GRM1: variants seen among roughly 807,000 people sequenced by gnomAD.
GRM1 encodes glutamate metabotropic receptor 1, also known as metabotropic glutamate receptor 1.
In GRM1, 33 loss-of-function variants were observed where a neutral mutation model predicts 90.9. That is an observed-to-expected ratio of 0.36 (90% CI 0.28 to 0.49). The LOEUF (loss-of-function observed/expected upper bound fraction) is 0.49, where lower values mean the gene tolerates loss of function less well. Among genes scored for constraint, GRM1 ranks in the 20% least tolerant of loss-of-function variants. The pLI is 0.99. For synonymous variants in GRM1, 700 were observed against 613.2 expected, an observed-to-expected ratio of 1.14 and a Z score of -2.09; for missense variants, 1,190 against 1,534.3, an observed-to-expected ratio of 0.78 and a Z score of 3.75.
chr6:146,068,174 C>G (rs1444194505), intron 1 of GRM1, among the ~76,000 whole-genome samples: 2 of 151,438 alleles, frequency 1.3e-5, no homozygotes, highest in Non-Finnish European at 2.9e-5. Flanking sequence ...TGCAGTGGCA[C>G]GATCTCAGCT....
At chr6:146,200,491 G>C (rs2114612658) in intron 2 of GRM1, among the ~76,000 whole-genome samples, 1 of 152,172 alleles carries the variant, frequency 6.6e-6, no homozygotes, top group African/African-American at 2.4e-5. Context: ...TTTAGTCATT[G>C]GGTCACTGCC....
At position 146,243,360 on chromosome 6, in the gene GRM1, C is replaced by A. The variant is rs184621589; in HGVS notation, c.951-61251C>A. Among the ~76,000 whole-genome samples the A allele has an allele frequency of 2.3e-3, 346 of 152,150 alleles. 2 individuals carry two copies. Among genetic ancestry groups the A allele is most frequent in the Non-Finnish European group, 3.8e-3 (255 of 67,982 alleles). On this transcript the variant is annotated intron_variant, in intron 2 of 7. Transcript: ENST00000282753. Reference sequence around the variant, plus strand: ...TCCAGCCATTACTTTAGGAGTGTTTCTGTTTTCTTAATGGAAACCAGAGGA... The same window carrying A: ...TCCAGCCATTACTTTAGGAGTGTTTATGTTTTCTTAATGGAAACCAGAGGA...
intron 1 of GRM1, among the ~76,000 whole-genome samples, chr6:146,076,021 A>G (rs960287951): frequency 1.3e-5 from 2 of 152,202 alleles, no homozygotes; most frequent in East Asian, 1.9e-4. Context: ...AGATCAAACA[A>G]TTGTGTCCCT....
At chr6:146,286,346 T>C (rs1454105033) in intron 2 of GRM1, among the ~76,000 whole-genome samples, 1 of 152,182 alleles carries the variant, frequency 6.6e-6, no homozygotes, top group Non-Finnish European at 1.5e-5. Flanking sequence ...TATGAAATGA[T>C]ATTTTATTTT....
At chr6:146,429,988 G>T (rs556471811) in intron 7 of GRM1, among the ~76,000 whole-genome samples, 1 of 152,174 alleles carries the variant, frequency 6.6e-6, no homozygotes, top group Admixed American at 6.5e-5. Flanking sequence ...CAGGCAGTTT[G>T]TGCAGGAGGC....
chr6:146,079,558 AGAT>A, intron 1 of GRM1, among the ~76,000 whole-genome samples: 1 of 152,318 alleles, frequency 6.6e-6, no homozygotes, highest in Admixed American at 6.5e-5. Flanking sequence ...ATTATCGAAA[AGAT>A]GATACTTTTC....
At position 146,044,683 on chromosome 6, in the gene GRM1, T is replaced by G. The variant is rs192652304; in HGVS notation, c.700+14466T>G. On this transcript the variant is annotated intron_variant, in intron 1 of 7. Transcript: ENST00000282753. ...TGAAACCATGAAAAGGCAAATTCAT[T>G]TTTTTGGTCTATGTCAGTACATGCT... Among the ~76,000 whole-genome samples, 41 of 152,088 alleles carry G rather than the reference T, an allele frequency of 2.7e-4. No individual in the cohort carries two copies. In the East Asian group the frequency reaches 6.4e-3, roughly 24 times the overall value.
At chr6:146,245,888 A>G (rs1274703141) in intron 2 of GRM1, among the ~76,000 whole-genome samples, 1 of 152,224 alleles carries the variant, frequency 6.6e-6, no homozygotes, top group African/African-American at 2.4e-5. Flanking sequence ...TCTTAGCAAT[A>G]CAATAAGATA....
intron 1 of GRM1, among the ~76,000 whole-genome samples, chr6:146,147,841 A>G (rs1030047719): frequency 2.0e-5 from 3 of 152,190 alleles, no homozygotes; most frequent in African/African-American, 4.8e-5. Context: ...CAATAAATCT[A>G]CATCTCCCAA....
rs558319792 is a variant in GRM1 at position 146,393,192 on chromosome 6, T to A, written c.1730-5577T>A. Among the ~76,000 whole-genome samples the A allele has an allele frequency of 2.1e-3, 327 of 152,228 alleles. 3 individuals carry two copies. The highest frequency in any genetic ancestry group is 7.5e-3 in the African/African-American group (312 of 41,562). ...CTATTTCTCCATATCCTCTCCAGCA[T>A]CTGTTGTTTCCTGACTTTTTAATGA... On this transcript the variant is annotated intron_variant, in intron 6 of 7. Transcript: ENST00000282753.
intron 2 of GRM1, among the ~76,000 whole-genome samples, chr6:146,197,518 T>C (rs1483223943): frequency 1.3e-5 from 2 of 152,222 alleles, no homozygotes; most frequent in African/African-American, 4.8e-5. Context: ...GGTTTACCAA[T>C]GCATCCAGCA....
chr6:146,091,773 G>GA (rs901587340), intron 1 of GRM1, among the ~76,000 whole-genome samples: 2 of 152,052 alleles, frequency 1.3e-5, no homozygotes, highest in Non-Finnish European at 2.9e-5. Context: ...GAAGAATTGT[G>GA]AAAAAATCTA....
At chr6:146,106,387 T>C (rs1462652334) in intron 1 of GRM1, among the ~76,000 whole-genome samples, 1 of 152,156 alleles carries the variant, frequency 6.6e-6, no homozygotes, top group South Asian at 2.1e-4. Flanking sequence ...TCATCATAGA[T>C]AGTAGGAAAT....
At chr6:146,153,462 G>T (rs1369925444) in intron 1 of GRM1, among the ~76,000 whole-genome samples, 1 of 152,176 alleles carries the variant, frequency 6.6e-6, no homozygotes, top group African/African-American at 2.4e-5. Flanking sequence ...CTGCACTCAT[G>T]GGAATTTATA....
chr6:146,245,952 T>G (rs1781046227), intron 2 of GRM1, among the ~76,000 whole-genome samples: 1 of 152,214 alleles, frequency 6.6e-6, no homozygotes. Context: ...ATAGCATAAC[T>G]TGTCTCAATC....
chr6:146,181,180 G>A (rs903323800), intron 2 of GRM1, among the ~76,000 whole-genome samples: 1 of 151,478 alleles, frequency 6.6e-6, no homozygotes, highest in Non-Finnish European at 1.5e-5. Context: ...CTGTGAATAC[G>A]AAATGAACTT....
intron 7 of GRM1, among the ~76,000 whole-genome samples, chr6:146,405,741 C>G (rs1175400995): frequency 6.6e-6 from 1 of 152,122 alleles, no homozygotes; most frequent in Non-Finnish European, 1.5e-5. Context: ...GCACTAATCC[C>G]ATCCTAGGAG....
At chr6:146,362,042 C>G (rs932457289) in intron 5 of GRM1, among the ~76,000 whole-genome samples, 1 of 152,194 alleles carries the variant, frequency 6.6e-6, no homozygotes, top group Non-Finnish European at 1.5e-5. Context: ...ATTGATTTCA[C>G]TGGCCTCCTG....
intron 5 of GRM1, among the ~76,000 whole-genome samples, chr6:146,378,952 T>A (rs1303316730): frequency 6.6e-6 from 1 of 152,184 alleles, no homozygotes; most frequent in Non-Finnish European, 1.5e-5. Context: ...TGTGATTTTG[T>A]TACTCCTTTG....
Sources: allele counts gnomAD v4.1 joint callset (sites outside exome capture counted in the v4.1 genomes callset), GRCh38; gene constraint gnomAD v4.1.1; transcripts MANE v1.5; gene names NCBI Gene and HGNC (gene_info 2026-07-23, HGNC 2026-07-21).